The following NRXN1 variants were observed in gnomAD, a reference collection of about 807,000 sequenced individuals.
NRXN1 encodes the protein neurexin-1.
NRXN1 carries 39 observed loss-of-function variants against 150.9 expected under a neutral mutation model. That is an observed-to-expected ratio of 0.26 (90% CI 0.20 to 0.34). The LOEUF (loss-of-function observed/expected upper bound fraction) is 0.34. NRXN1 is among the 10% of genes least tolerant of loss of function. The pLI, the probability that NRXN1 is intolerant of heterozygous loss-of-function variation, is 1.00. For synonymous variants in NRXN1, 924 were observed against 757.0 expected (o/e 1.22, Z -3.62); for missense variants, 1,815 against 1,949.9 (o/e 0.93, Z 1.30).
At chr2:50,229,977 A>T (rs553117883) in intron 18 of NRXN1, among the ~76,000 whole-genome samples, 2 of 152,170 alleles carry the variant, frequency 1.3e-5, no homozygotes, top group African/African-American at 4.8e-5. Context: ...AAGCCATTCT[A>T]TAAAATAGCT....
chr2:50,688,281 A>G (rs145340683), intron 5 of NRXN1, among the ~76,000 whole-genome samples: 4 of 152,204 alleles, frequency 2.6e-5, no homozygotes, highest in Non-Finnish European at 4.4e-5. Flanking sequence ...GGGCCTCCCC[A>G]TATCAATACA....
At chr2:50,805,097 C>T (rs187105795) in intron 5 of NRXN1, among the ~76,000 whole-genome samples, 30 of 152,196 alleles carry the variant, frequency 2.0e-4, no homozygotes, top group African/African-American at 7.0e-4. Flanking sequence ...GTGATTAGAA[C>T]AATGCCTGCC....
intron 17 of NRXN1, among the ~76,000 whole-genome samples, chr2:50,359,546 C>A (rs2079046149): frequency 6.6e-6 from 1 of 150,992 alleles, no homozygotes; most frequent in Admixed American, 6.6e-5. Flanking sequence ...AGCATGGAGA[C>A]AAGATTAGAG....
chr2:50,821,121 G>A (rs1485573588), intron 5 of NRXN1, among the ~76,000 whole-genome samples: 4 of 152,098 alleles, frequency 2.6e-5, no homozygotes, highest in South Asian at 2.1e-4. Flanking sequence ...GTTCAGAGAT[G>A]CATCAGGGTT....
intron 5 of NRXN1, among the ~76,000 whole-genome samples, chr2:50,705,047 C>CAA (rs913554343): frequency 8.6e-6 from 1 of 116,618 alleles, no homozygotes; most frequent in Non-Finnish European, 1.7e-5. Context: ...CACAGAAACA[C>CAA]AAACACACAC....
chr2:50,837,277 C>G (rs143191456), intron 5 of NRXN1, among the ~76,000 whole-genome samples: 1 of 152,216 alleles, frequency 6.6e-6, no homozygotes, highest in African/African-American at 2.4e-5. Flanking sequence ...AAAAATTGTG[C>G]TTACCCCTTT....
intron 21 of NRXN1, among the ~76,000 whole-genome samples, chr2:50,009,754 C>T (rs1383677512): frequency 6.6e-6 from 1 of 152,114 alleles, no homozygotes; most frequent in Non-Finnish European, 1.5e-5. Flanking sequence ...CAAGTTCTCC[C>T]TTACAGTAAA....
chr2:50,098,842 T>TTGG (rs1558874590), intron 18 of NRXN1, among the ~76,000 whole-genome samples: 14 of 9,224 alleles, frequency 1.5e-3, no homozygotes, highest in African/African-American at 5.2e-3. Context: ...TTTTTTTTTT[T>TTGG]TTTTTTTTTT....
At chr2:50,909,111 T>TA (rs1200218696) in intron 5 of NRXN1, among the ~76,000 whole-genome samples, 1 of 152,042 alleles carries the variant, frequency 6.6e-6, no homozygotes, top group Non-Finnish European at 1.5e-5. Flanking sequence ...CTAGAGAAAT[T>TA]GAAAACAGAG....
intron 21 of NRXN1, among the ~76,000 whole-genome samples, chr2:49,979,811 C>T (rs1199568906): frequency 1.3e-5 from 2 of 151,664 alleles, no homozygotes; most frequent in East Asian, 3.9e-4. Flanking sequence ...TTCCTATTAA[C>T]TATTAATTTA....
At chr2:50,644,251 C>T (rs1320226544) in intron 5 of NRXN1, among the ~76,000 whole-genome samples, 1 of 151,684 alleles carries the variant, frequency 6.6e-6, no homozygotes, top group Non-Finnish European at 1.5e-5. Context: ...CTTCCCACTC[C>T]AGACTTCTAC....
intron 5 of NRXN1, chr2:50,919,570 A>T (rs1248091920): frequency 6.6e-6 from 1 of 151,652 alleles, no homozygotes; most frequent in African/African-American, 2.4e-5. Flanking sequence ...CTCACACAAG[A>T]GAAAAGTGGG....
intron 18 of NRXN1, among the ~76,000 whole-genome samples, chr2:50,195,389 T>C (rs1474851676): frequency 1.3e-5 from 2 of 152,180 alleles, no homozygotes; most frequent in Non-Finnish European, 2.9e-5. Context: ...TCACAAACTA[T>C]AGTGCTTCAG....
chr2:50,180,218 T>C (rs1420738182), intron 18 of NRXN1, among the ~76,000 whole-genome samples: 1 of 151,906 alleles, frequency 6.6e-6, no homozygotes, highest in East Asian at 1.9e-4. Flanking sequence ...AGAGACACGG[T>C]CTTGCTGTGC....
intron 5 of NRXN1, among the ~76,000 whole-genome samples, chr2:50,830,866 G>GA (rs1418503602): frequency 1.3e-5 from 2 of 151,922 alleles, no homozygotes; most frequent in Non-Finnish European, 2.9e-5. Flanking sequence ...AGACCCAGCA[G>GA]AAAAAACGAC....
At chr2:50,467,530 C>T (rs542476187) in intron 16 of NRXN1, among the ~76,000 whole-genome samples, 1 of 151,324 alleles carries the variant, frequency 6.6e-6, no homozygotes, top group Non-Finnish European at 1.5e-5. Context: ...AAACATGTAC[C>T]TTACAATCAC....
chr2:50,049,684 C>G (rs2152617201), intron 21 of NRXN1, among the ~76,000 whole-genome samples: 1 of 152,254 alleles, frequency 6.6e-6, no homozygotes, highest in Non-Finnish European at 1.5e-5. Flanking sequence ...ATTTTCCTTT[C>G]TTTGTGGACA....
chr2:50,825,515 G>A (rs1407116314), intron 5 of NRXN1, among the ~76,000 whole-genome samples: 1 of 152,156 alleles, frequency 6.6e-6, no homozygotes, highest in African/African-American at 2.4e-5. Flanking sequence ...TAACTCAAAA[G>A]GACTGGAGTC....
intron 5 of NRXN1, among the ~76,000 whole-genome samples, chr2:50,851,792 T>G (rs936464137): frequency 6.6e-6 from 1 of 152,208 alleles, no homozygotes; most frequent in Non-Finnish European, 1.5e-5. Flanking sequence ...CATCGGCTTT[T>G]CTGTCCCTTC....
Sources: gnomAD v4.1 joint callset for allele counts (sites outside exome capture counted in the v4.1 genomes callset) on GRCh38, gnomAD v4.1.1 for gene constraint, MANE v1.5 for transcripts, NCBI Gene and HGNC (gene_info 2026-07-23, HGNC 2026-07-21) for gene names.